The following GLUD1 variants were observed in gnomAD, a reference collection of about 807,000 sequenced individuals.
GLUD1 encodes the protein glutamate dehydrogenase 1.
GLUD1 carries 22 observed loss-of-function variants against 56.0 expected under a neutral mutation model. The ratio of observed to expected loss-of-function variants is 0.39; its 90% confidence interval spans 0.28 to 0.56. GLUD1 has a LOEUF of 0.56. Ranked by LOEUF, GLUD1 falls within the 20% of genes least tolerant of loss-of-function variation. The probability of loss-of-function intolerance (pLI) is 0.58; values close to 1 mark genes in which losing one functional copy is unlikely to be tolerated. For missense variants in GLUD1, 451 were observed against 732.0 expected (o/e 0.62, Z 4.43); for synonymous variants, 223 against 269.9 (o/e 0.83, Z 1.70).
Position 87,093,980 on chromosome 10 carries a change from C to T in GLUD1, c.445+345G>A, listed in dbSNP as rs1169703507. The T allele has an allele frequency of 2.1e-6, 3 of 1,422,884 alleles. No individual in the cohort carries two copies. The African/African-American group carries it at 4.3e-5, about 20-fold the overall frequency. The allele number at this position is 1,422,884 out of a possible 1,614,324, so 88.1% of individuals were successfully genotyped here. ...GGCATTATCACACGGGCAGGTCATT[C>T]CCTTTCCTAGAAGTGCATTTCGGCA... On this transcript the variant is annotated intron_variant, in intron 1 of 12. Coordinates refer to ENST00000277865, the MANE Select transcript of GLUD1 (RefSeq NM_005271.5).
At chr10:87,092,581 C>A in intron 1 of GLUD1, 1 of 961,210 alleles carries the variant, frequency 1.0e-6, no homozygotes, top group Non-Finnish European at 1.2e-6. Context: ...AGAGGACTCA[C>A]AAACTATGGT....
chr10:87,094,804 GA>G lies in GLUD1; in HGVS notation c.-36del. On this transcript the variant is annotated 5_prime_UTR_variant, in exon 1 of 13. Coordinates refer to ENST00000277865, the MANE Select transcript of GLUD1 (RefSeq NM_005271.5). The surrounding 1 kb of genome is among the most constrained non-coding windows in gnomAD (Gnocchi z 6.6). ...CGGAGGGGAGGTGCGTGATGGTCGC[GA>G]AACAGGCGCGCTTTCTCAGACTCCC... is the stretch of plus-strand genomic sequence containing the variant. 1 of 1,490,182 alleles carries G rather than the reference GA, an allele frequency of 6.7e-7. No homozygotes were observed. The allele number at this position is 1,490,182 out of a possible 1,614,324, so 92.3% of individuals were successfully genotyped here. A position where few individuals can be genotyped will look rare whatever the true frequency, so the allele number is the denominator to read the frequency against.
At chr10:87,060,404 C>T in intron 8 of GLUD1, 163 bp from the exon 9 acceptor site, 1 of 691,380 alleles carries the variant, frequency 1.4e-6, no homozygotes, top group Non-Finnish European at 2.5e-6. Flanking sequence ...TATAAAACTA[C>T]CTTTCACTTT....
At chr10:87,057,841 G>T in intron 10 of GLUD1, 59 bp from the exon 11 acceptor site, 1 of 862,048 alleles carries the variant, frequency 1.2e-6, no homozygotes, top group Non-Finnish European at 1.9e-6. Context: ...AAAAAAAGTA[G>T]AATCAAAAGT....
intron 1 of GLUD1, among the ~76,000 whole-genome samples, chr10:87,085,658 A>G (rs1841365227): frequency 6.6e-6 from 1 of 152,248 alleles, no homozygotes; most frequent in South Asian, 2.1e-4. Context: ...AGAAAGCTGA[A>G]GACTCCCTTG....
intron 11 of GLUD1, among the ~76,000 whole-genome samples, chr10:87,055,696 G>T (rs1037303871): frequency 7.9e-5 from 12 of 151,734 alleles, no homozygotes; most frequent in Non-Finnish European, 1.6e-4. Flanking sequence ...GAAGTTTACT[G>T]AGGGGAACGG....
chr10:87,066,788 A>C (rs1236793040), intron 5 of GLUD1, among the ~76,000 whole-genome samples: 1 of 152,212 alleles, frequency 6.6e-6, no homozygotes, highest in African/African-American at 2.4e-5. Context: ...TAGTAGGCAT[A>C]AATGTATTTT....
chr10:87,068,169 C>A lies in GLUD1; in HGVS notation c.647-12G>T. The A allele has an allele frequency of 6.4e-7, 1 of 1,568,378 alleles. No individual in the cohort carries two copies. The highest frequency in any genetic ancestry group is 2.2e-5 in the East Asian group (1 of 44,672). ...ATCAATGCCAGGACCTGCGGGGGCA[C>A]AGGGAAAGAGGAGTGCACCAGTTTT... On this transcript the variant is annotated splice_polypyrimidine_tract_variant and intron_variant, in intron 4 of 12. Transcript: ENST00000277865.
intron 1 of GLUD1, among the ~76,000 whole-genome samples, chr10:87,077,301 A>G (rs1170632979): frequency 6.6e-6 from 1 of 152,072 alleles, no homozygotes; most frequent in African/African-American, 2.4e-5. Flanking sequence ...ATGAGCCACT[A>G]TGCCTGGCAA....
chr10:87,072,073 G>C (rs555538734), intron 4 of GLUD1, among the ~76,000 whole-genome samples: 3 of 152,292 alleles, frequency 2.0e-5, no homozygotes, highest in East Asian at 3.9e-4. Flanking sequence ...AGGAGTTTGA[G>C]ACCAGTCTGG....
At chr10:87,052,668 TCAAAAAAAAA>T (rs1397633696) in intron 12 of GLUD1, among the ~76,000 whole-genome samples, 3 of 16,538 alleles carry the variant, frequency 1.8e-4, no homozygotes, top group African/African-American at 3.9e-4. Context: ...AAACTCCGTC[TCAAAAAAAAA>T]AAAAAAAAAA....
intron 1 of GLUD1, among the ~76,000 whole-genome samples, chr10:87,085,648 A>C (rs10887690): frequency 6.6e-6 from 1 of 152,056 alleles, no homozygotes; most frequent in Non-Finnish European, 1.5e-5. Context: ...AAATACAAAA[A>C]GAAAGCTGAA....
rs1589358775 is a variant in GLUD1, at chr10:87,060,753, T to C, written c.1132A>G (p.Ile378Val). 6.2e-7 allele frequency: 1 copy of C among 1,614,202 alleles called. No individual in the cohort carries two copies. Among genetic ancestry groups the C allele is most frequent in the Non-Finnish European group, 8.5e-7 (1 of 1,180,046 alleles). The change falls in exon 8 of 13, where the codon ATA (isoleucine) becomes GTA (valine). Residue 378 changes from isoleucine (I) to valine (V), a missense_variant. By Grantham distance (29) the Ile-to-Val change is conservative. This residue lies in a region of GLUD1 where 248 missense variants were observed against 460.0 expected (regional missense o/e 0.54). Transcript: ENST00000277865. ...EGSILEADCD[I>V]LIPAASEKQL... is the part of the protein sequence containing the mutation. Reference sequence around the variant, plus strand: ...TTCTCACTGGCAGCTGGGATCAGTATGTCACAGTCGGCCTCCAAGATGCTT... The same window carrying C: ...TTCTCACTGGCAGCTGGGATCAGTACGTCACAGTCGGCCTCCAAGATGCTT...
At chr10:87,086,008 T>TA (rs1360859887) in intron 1 of GLUD1, among the ~76,000 whole-genome samples, 2 of 152,184 alleles carry the variant, frequency 1.3e-5, no homozygotes. Flanking sequence ...AACTTGTTAT[T>TA]AAAAAGTTTC....
At chr10:87,070,579 C>T (rs1218106219) in intron 4 of GLUD1, among the ~76,000 whole-genome samples, 1 of 152,038 alleles carries the variant, frequency 6.6e-6, no homozygotes, top group Non-Finnish European at 1.5e-5. Context: ...AGCCTGGTGA[C>T]AGAGCGAGAC....
intron 1 of GLUD1, among the ~76,000 whole-genome samples, chr10:87,081,248 G>A (rs1477679105): frequency 9.6e-5 from 14 of 146,026 alleles, no homozygotes; most frequent in African/African-American, 2.3e-4. Context: ...GTGAGGGGGC[G>A]CCTCTGCCTG....
At chr10:87,062,861 T>C in intron 5 of GLUD1, 26 bp from the exon 6 acceptor site, 4 of 1,604,542 alleles carry the variant, frequency 2.5e-6, no homozygotes, top group South Asian at 1.1e-5. Context: ...ATTGAAAGAA[T>C]GAAATGTCAA....
intron 5 of GLUD1, chr10:87,067,825 C>G: frequency 2.1e-6 from 1 of 478,826 alleles, no homozygotes; most frequent in Non-Finnish European, 3.9e-6. Flanking sequence ...TGTCTTAGCA[C>G]AGTGGGCTGC....
At chr10:87,093,172 T>A (rs1841565323) in intron 1 of GLUD1, among the ~76,000 whole-genome samples, 1 of 152,126 alleles carries the variant, frequency 6.6e-6, no homozygotes, top group African/African-American at 2.4e-5. Context: ...CAGAGAGGAT[T>A]TCTAAAAATC....
Sources: gnomAD v4.1 joint callset for allele counts (sites outside exome capture counted in the v4.1 genomes callset) on GRCh38, gnomAD v4.1.1 for gene constraint, gnomAD v4.1.1 regional missense constraint, Gnocchi (gnomAD v3.1) non-coding constraint, MANE v1.5 for transcripts, NCBI Gene and HGNC (gene_info 2026-07-23, HGNC 2026-07-21) for gene names.